PTPRD: variants seen among roughly 807,000 people sequenced by gnomAD.
The protein encoded by PTPRD is protein tyrosine phosphatase receptor type D, also known as receptor-type tyrosine-protein phosphatase delta.
In PTPRD, 34 loss-of-function variants were observed where a neutral mutation model predicts 214.5. The observed-to-expected ratio is 0.16, with a 90% CI of 0.12 to 0.21. The LOEUF is 0.21. Among genes scored for constraint, PTPRD ranks in the 10% least tolerant of loss-of-function variants. PTPRD has a pLI of 1.00. For synonymous variants in PTPRD, 1,128 were observed against 845.7 expected (o/e 1.33, Z -5.79); for missense variants, 2,545 against 2,398.7 (o/e 1.06, Z -1.27).
chr9:10,163,856 T>G (rs1279964262), intron 3 of PTPRD, among the ~76,000 whole-genome samples: 4 of 151,590 alleles, frequency 2.6e-5, no homozygotes, highest in Non-Finnish European at 5.9e-5. Context: ...ATTAACATTC[T>G]TTTTGAAGGG....
chr9:9,464,113 C>T (rs536362047), intron 8 of PTPRD, among the ~76,000 whole-genome samples: 60 of 152,290 alleles, frequency 3.9e-4, no homozygotes, highest in African/African-American at 1.2e-3. Context: ...TCTCACTTCT[C>T]GGCTGCAGCA....
At chr9:8,453,566 A>T (rs1441919492) in intron 33 of PTPRD, among the ~76,000 whole-genome samples, 1 of 152,232 alleles carries the variant, frequency 6.6e-6, no homozygotes, top group Non-Finnish European at 1.5e-5. Flanking sequence ...ACAAATGGAT[A>T]CTAGAGATGT....
At chr9:9,458,624 G>T (rs1450233470) in intron 8 of PTPRD, among the ~76,000 whole-genome samples, 1 of 152,072 alleles carries the variant, frequency 6.6e-6, no homozygotes, top group Non-Finnish European at 1.5e-5. Context: ...GCTAACTTGG[G>T]ACAGTGGATG....
At chr9:8,467,008 C>T (rs1410830649) in intron 31 of PTPRD, among the ~76,000 whole-genome samples, 1 of 151,826 alleles carries the variant, frequency 6.6e-6, no homozygotes, top group African/African-American at 2.4e-5. Flanking sequence ...CCCTCCTACA[C>T]TGGGAGTAGT....
intron 10 of PTPRD, among the ~76,000 whole-genome samples, chr9:9,033,664 T>C (rs2099612769): frequency 6.6e-6 from 1 of 152,116 alleles, no homozygotes; most frequent in Non-Finnish European, 1.5e-5. Context: ...CCAACCTCTC[T>C]ACTGCTCTCC....
intron 2 of PTPRD, among the ~76,000 whole-genome samples, chr9:10,602,051 A>G (rs976927939): frequency 2.0e-5 from 3 of 151,790 alleles, no homozygotes; most frequent in Non-Finnish European, 4.4e-5. Context: ...AAACAACTCA[A>G]CTTTAACTTT....
chr9:9,452,376 A>T (rs980689669), intron 8 of PTPRD, among the ~76,000 whole-genome samples: 4 of 151,554 alleles, frequency 2.6e-5, no homozygotes. Flanking sequence ...ACTACAATAA[A>T]TTTAAATCAA....
intron 39 of PTPRD, among the ~76,000 whole-genome samples, chr9:8,355,799 CT>C (rs1416870584): frequency 6.6e-6 from 1 of 152,120 alleles, no homozygotes; most frequent in African/African-American, 2.4e-5. Flanking sequence ...TTCAGTAAGT[CT>C]GGGGTGGGAC....
At chr9:9,736,289 A>C (rs1385349755) in intron 6 of PTPRD, among the ~76,000 whole-genome samples, 1 of 152,084 alleles carries the variant, frequency 6.6e-6, no homozygotes, top group African/African-American at 2.4e-5. Flanking sequence ...ATCATGTACT[A>C]CATCTCTCTC....
At chr9:8,660,537 C>T (rs1391166628) in intron 12 of PTPRD, among the ~76,000 whole-genome samples, 1 of 152,134 alleles carries the variant, frequency 6.6e-6, no homozygotes. Flanking sequence ...TCTTTGGCTC[C>T]CATTTTCAGT....
At chr9:8,627,018 C>T (rs1489183929) in intron 14 of PTPRD, among the ~76,000 whole-genome samples, 1 of 151,762 alleles carries the variant, frequency 6.6e-6, no homozygotes, top group East Asian at 1.9e-4. Flanking sequence ...GCTCAAGAAG[C>T]TTCTAGTTTC....
chr9:9,457,717 C>T (rs2093206428), intron 8 of PTPRD, among the ~76,000 whole-genome samples: 1 of 151,918 alleles, frequency 6.6e-6, no homozygotes, highest in Admixed American at 6.6e-5. Context: ...TAGGTTTTTT[C>T]CATACATTCA....
chr9:9,384,100 A>G (rs2063119951), intron 9 of PTPRD, among the ~76,000 whole-genome samples: 1 of 151,100 alleles, frequency 6.6e-6, no homozygotes, highest in Non-Finnish European at 1.5e-5. Flanking sequence ...AGGGACATTA[A>G]AAACTTTTCA....
chr9:10,482,045 G>C (rs1051436353), intron 2 of PTPRD, among the ~76,000 whole-genome samples: 2 of 152,072 alleles, frequency 1.3e-5, no homozygotes, highest in Non-Finnish European at 2.9e-5. Flanking sequence ...ATAAAAAAGT[G>C]AATAAAAATA....
At chr9:9,541,007 G>T (rs886255491) in intron 8 of PTPRD, among the ~76,000 whole-genome samples, 1 of 151,528 alleles carries the variant, frequency 6.6e-6, no homozygotes, top group Non-Finnish European at 1.5e-5. Context: ...AACTAAAAAG[G>T]ACTAAATAGA....
chr9:10,318,919 A>G (rs1318322421), intron 3 of PTPRD, among the ~76,000 whole-genome samples: 1 of 152,062 alleles, frequency 6.6e-6, no homozygotes, highest in Non-Finnish European at 1.5e-5. Flanking sequence ...TAAGTCTGAA[A>G]ATAGGGCTAA....
At chr9:9,676,868 G>T (rs1249773228) in intron 7 of PTPRD, among the ~76,000 whole-genome samples, 9 of 152,112 alleles carry the variant, frequency 5.9e-5, no homozygotes, top group African/African-American at 2.2e-4. Flanking sequence ...GCATTTCTCT[G>T]ATGGCCAGTG....
At chr9:9,360,485 G>A (rs2055670739) in intron 9 of PTPRD, among the ~76,000 whole-genome samples, 2 of 151,142 alleles carry the variant, frequency 1.3e-5, no homozygotes, top group South Asian at 4.1e-4. Context: ...ATTAGGCTAA[G>A]TTTGTGACAA....
chr9:10,044,858 A>G (rs879795323), intron 3 of PTPRD, among the ~76,000 whole-genome samples: 1 of 151,768 alleles, frequency 6.6e-6, no homozygotes, highest in Non-Finnish European at 1.5e-5. Flanking sequence ...TCATGGGCTC[A>G]GTATCCATTA....
Sources: gnomAD v4.1 joint callset for allele counts (sites outside exome capture counted in the v4.1 genomes callset) on GRCh38, gnomAD v4.1.1 for gene constraint, MANE v1.5 for transcripts, NCBI Gene and HGNC (gene_info 2026-07-23, HGNC 2026-07-21) for gene names.